Variants in UNC93A observed in about 807,000 individuals in gnomAD.
UNC93A encodes the protein N-acetylglucosamine transporter UNC93A.
Under a neutral mutation model 47.5 loss-of-function variants are expected in UNC93A, and 43 were observed. The ratio of observed to expected loss-of-function variants is 0.91; its 90% CI spans 0.71 to 1.17. UNC93A has a LOEUF of 1.17. UNC93A is among the 50% of genes most tolerant of loss of function. The pLI, the probability that UNC93A is intolerant of heterozygous loss-of-function variation, is 0.00. For missense variants in UNC93A, 605 were observed against 577.6 expected, an observed-to-expected ratio of 1.05 and a Z score of -0.49; for synonymous variants, 280 against 258.0, an observed-to-expected ratio of 1.09 and a Z score of -0.82.
intron 7 of UNC93A, 63 bp from the exon 8 acceptor site, chr6:167,315,124 T>A: frequency 6.3e-7 from 1 of 1,585,594 alleles, no homozygotes; most frequent in Non-Finnish European, 8.6e-7. Context: ...GCTGTGCTCT[T>A]TTCACAAACA....
chr6:167,296,891 G>A (rs1310019205), intron 3 of UNC93A, among the ~76,000 whole-genome samples: 2 of 152,140 alleles, frequency 1.3e-5, no homozygotes, highest in African/African-American at 4.8e-5. Flanking sequence ...AACCAATCCA[G>A]CCCTCCTGAC....
At chr6:167,298,638 G>A (rs1176979412) in intron 4 of UNC93A, among the ~76,000 whole-genome samples, 2 of 151,990 alleles carry the variant, frequency 1.3e-5, no homozygotes, top group African/African-American at 4.8e-5. Context: ...AGCTCATGGT[G>A]AAAGGGCTGC....
intron 1 of UNC93A, among the ~76,000 whole-genome samples, chr6:167,274,215 T>C (rs1369258554): frequency 2.0e-5 from 3 of 152,170 alleles, no homozygotes; most frequent in African/African-American, 4.8e-5. Context: ...TTGTGGTTTG[T>C]AGGGTGACCT....
At chr6:167,301,537 G>A (rs950020262) in intron 4 of UNC93A, among the ~76,000 whole-genome samples, 2 of 152,170 alleles carry the variant, frequency 1.3e-5, no homozygotes, top group Non-Finnish European at 2.9e-5. Flanking sequence ...CTTGCAAAGA[G>A]CCATTCTCTT....
chr6:167,313,194 C>T (rs1778603963), intron 7 of UNC93A, among the ~76,000 whole-genome samples: 1 of 152,178 alleles, frequency 6.6e-6, no homozygotes, highest in Non-Finnish European at 1.5e-5. Context: ...TTCCAGCCAC[C>T]TTCTGGGTCC....
At chr6:167,287,708 T>C (rs957330442), upstream of UNC93A, among the ~76,000 whole-genome samples, 7 of 149,748 alleles carry the variant, frequency 4.7e-5, no homozygotes, top group African/African-American at 1.5e-4. Flanking sequence ...TGCATGTGTG[T>C]GCATATGTGT....
chr6:167,273,907 G>A (rs188633686), intron 1 of UNC93A, among the ~76,000 whole-genome samples: 2 of 152,206 alleles, frequency 1.3e-5, no homozygotes, highest in East Asian at 3.9e-4. Flanking sequence ...CAGCCTCCAG[G>A]TAGCAGGCTT....
At position 167,307,849 on chromosome 6, in the gene UNC93A, G is replaced by A. The variant is rs551218396; in HGVS notation, c.1047G>A (p.Val349=). ...GACCTCGTGCTGACCATCTGGCAGT[G>A]TTCTTCGTATTCTCTGGCCTGTGGG... ...LWRPRADHLA[V]FFVFSGLWGV... is the part of the protein sequence containing the mutation. The change falls in exon 7 of 8, where the codon GTG becomes GTA. Residue 349 remains valine, a synonymous_variant. Transcript: ENST00000230256. The A allele has an allele frequency of 6.2e-7, 1 of 1,614,090 alleles. No homozygotes were observed. Among genetic ancestry groups the A allele is most frequent in the African/African-American group, 1.3e-5 (1 of 75,026 alleles).
intron 4 of UNC93A, 104 bp downstream of exon 4, chr6:167,298,174 T>G (rs1280484441): frequency 5.4e-6 from 8 of 1,485,360 alleles, no homozygotes; most frequent in Admixed American, 2.3e-5. Flanking sequence ...GTAATCTCTC[T>G]TCTTCTGAAA....
At chr6:167,303,531 C>T (rs563344958) in intron 4 of UNC93A, among the ~76,000 whole-genome samples, 7 of 150,936 alleles carry the variant, frequency 4.6e-5, no homozygotes, top group African/African-American at 1.7e-4. Context: ...AATCATTATC[C>T]TAAAAAAAAA....
intron 7 of UNC93A, among the ~76,000 whole-genome samples, chr6:167,309,088 A>G (rs1007383993): frequency 5.3e-5 from 8 of 152,044 alleles, no homozygotes; most frequent in Non-Finnish European, 1.0e-4. Context: ...GGAAGGGGAC[A>G]TGGCCGTTGC....
chr6:167,278,185 C>T (rs989369895), intron 1 of UNC93A, among the ~76,000 whole-genome samples: 5 of 152,178 alleles, frequency 3.3e-5, no homozygotes, highest in African/African-American at 9.7e-5. Flanking sequence ...TTACATGAAC[C>T]TCAGTCACTT....
At chr6:167,308,332 C>A (rs572783918) in intron 7 of UNC93A, among the ~76,000 whole-genome samples, 1 of 152,238 alleles carries the variant, frequency 6.6e-6, no homozygotes, top group East Asian at 1.9e-4. Context: ...TCCAAGGAGC[C>A]CACGGGACGA....
chr6:167,292,663 T>C (rs764026271), intron 1 of UNC93A, among the ~76,000 whole-genome samples: 1 of 152,206 alleles, frequency 6.6e-6, no homozygotes, highest in Non-Finnish European at 1.5e-5. Context: ...AATGGTTCAT[T>C]ACTTTTGGAG....
chr6:167,303,462 T>C (rs367772859), intron 4 of UNC93A, among the ~76,000 whole-genome samples: 3 of 152,260 alleles, frequency 2.0e-5, no homozygotes, highest in South Asian at 4.1e-4. Flanking sequence ...ATTGGAGGAC[T>C]TTTGCACAAA....
In UNC93A at chr6:167,296,130, C is replaced by A; in HGVS notation, c.368C>A (p.Ala123Glu). The change falls in exon 3 of 8, where the codon GCA becomes GAA. Residue 123 changes from alanine (A) to glutamate (E), a missense_variant. Transcript: ENST00000230256. ...CTCACGATCACGGGAAACACACATGCAGAGAAGGCGGGAAAGCGTGGCAAA... is the reference window on the plus strand; with the variant it reads ...CTCACGATCACGGGAAACACACATGAAGAGAAGGCGGGAAAGCGTGGCAAA... ...TYLTITGNTHAEKAGKRGKDM... is the reference protein window; with the variant it reads ...TYLTITGNTHEEKAGKRGKDM... 1 of 1,614,232 alleles carries A rather than the reference C, an allele frequency of 6.2e-7. No individual in the cohort carries two copies. The highest frequency in any genetic ancestry group is 8.5e-7 in the Non-Finnish European group (1 of 1,180,050).
chr6:167,285,079 C>CT (rs1418648942), intron 1 of UNC93A, among the ~76,000 whole-genome samples: 1 of 152,150 alleles, frequency 6.6e-6, no homozygotes, highest in African/African-American at 2.4e-5. Context: ...CCGTCTGGGC[C>CT]TTCGGGCCCT....
intron 6 of UNC93A, among the ~76,000 whole-genome samples, chr6:167,306,815 T>C (rs1432806204): frequency 6.6e-6 from 1 of 152,210 alleles, no homozygotes; most frequent in Non-Finnish European, 1.5e-5. Flanking sequence ...CCCTGGGGCA[T>C]GCGGTGTGGA....
chr6:167,299,171 C>T (rs563864339), intron 4 of UNC93A, among the ~76,000 whole-genome samples: 2 of 142,826 alleles, frequency 1.4e-5, no homozygotes, highest in East Asian at 4.1e-4. Context: ...TATGCATGTA[C>T]ATATACATAT....
Sources: allele counts gnomAD v4.1 joint callset (sites outside exome capture counted in the v4.1 genomes callset), GRCh38; gene constraint gnomAD v4.1.1; transcripts MANE v1.5; gene names NCBI Gene and HGNC (gene_info 2026-07-23, HGNC 2026-07-21).